FAM135B: variants seen among roughly 807,000 people sequenced by gnomAD.
FAM135B encodes family with sequence similarity 135 member B.
Under a neutral mutation model 127.7 loss-of-function variants are expected in FAM135B, and 43 were observed. The observed-to-expected ratio is 0.34, with a 90% CI of 0.26 to 0.43. The LOEUF is 0.43. FAM135B is among the 20% of genes least tolerant of loss of function. The pLI, the probability that FAM135B is intolerant of heterozygous loss-of-function variation, is 1.00. For missense variants in FAM135B, 1,558 were observed against 1,725.6 expected, an observed-to-expected ratio of 0.90 and a Z score of 1.72; for synonymous variants, 670 against 665.1, an observed-to-expected ratio of 1.01 and a Z score of -0.11.
chr8:138,204,079 C>G (rs959070556), intron 7 of FAM135B, among the ~76,000 whole-genome samples: 8 of 152,162 alleles, frequency 5.3e-5, no homozygotes, highest in Admixed American at 3.9e-4. Flanking sequence ...TCACTCACCT[C>G]CTACTATGCA....
chr8:138,140,414 A>G (rs1817031888), intron 17 of FAM135B, among the ~76,000 whole-genome samples: 1 of 152,214 alleles, frequency 6.6e-6, no homozygotes, highest in Non-Finnish European at 1.5e-5. Flanking sequence ...TTAATAAACG[A>G]TTTGTTATTA....
intron 15 of FAM135B, among the ~76,000 whole-genome samples, 185 bp downstream of exon 15, chr8:138,145,774 C>A (rs1422966861): frequency 6.6e-6 from 1 of 152,182 alleles, no homozygotes; most frequent in Non-Finnish European, 1.5e-5. Flanking sequence ...TCATTTCTTA[C>A]CGTTTCCTCT....
chr8:138,272,346 G>C (rs1234201366), intron 3 of FAM135B, among the ~76,000 whole-genome samples: 1 of 152,154 alleles, frequency 6.6e-6, no homozygotes, highest in Non-Finnish European at 1.5e-5. Flanking sequence ...CCCAATGTTT[G>C]TTATAGTTCT....
chr8:138,164,704 A>G (rs1819736063), intron 12 of FAM135B, among the ~76,000 whole-genome samples: 1 of 152,170 alleles, frequency 6.6e-6, no homozygotes. Context: ...ACACTGAACC[A>G]GAGTTCATCT....
At chr8:138,161,477 C>G (rs1156831366) in intron 12 of FAM135B, among the ~76,000 whole-genome samples, 1 of 152,062 alleles carries the variant, frequency 6.6e-6, no homozygotes, top group African/African-American at 2.4e-5. Flanking sequence ...ACATATTATT[C>G]AATTTACATA....
At chr8:138,165,739 C>A (rs1819853646) in intron 12 of FAM135B, among the ~76,000 whole-genome samples, 1 of 152,136 alleles carries the variant, frequency 6.6e-6, no homozygotes, top group East Asian at 1.9e-4. Context: ...CACATACATA[C>A]ATGCACACAC....
chr8:138,440,934 C>G (rs544381113), intron 1 of FAM135B: 1 of 152,166 alleles, frequency 6.6e-6, no homozygotes, highest in Admixed American at 6.5e-5. Flanking sequence ...TTGGAGTGTT[C>G]CTGCCACTAT....
At chr8:138,420,462 A>G (rs1230418569) in intron 1 of FAM135B, among the ~76,000 whole-genome samples, 1 of 152,024 alleles carries the variant, frequency 6.6e-6, no homozygotes, top group Admixed American at 6.6e-5. Flanking sequence ...AATATTTTCA[A>G]AACATCAAGG....
chr8:138,186,000 G>T (rs1227373044), intron 9 of FAM135B, among the ~76,000 whole-genome samples: 1 of 152,234 alleles, frequency 6.6e-6, no homozygotes, highest in African/African-American at 2.4e-5. Flanking sequence ...CGCTGCTTCA[G>T]TCTGGTGGGC....
intron 2 of FAM135B, among the ~76,000 whole-genome samples, chr8:138,321,060 T>C (rs988629937): frequency 6.6e-6 from 1 of 152,158 alleles, no homozygotes; most frequent in Admixed American, 6.5e-5. Flanking sequence ...CTCTGGAGTC[T>C]GAACACCCAG....
intron 1 of FAM135B, among the ~76,000 whole-genome samples, chr8:138,397,692 A>G (rs1223827313): frequency 6.6e-6 from 1 of 152,144 alleles, no homozygotes; most frequent in Non-Finnish European, 1.5e-5. Context: ...TGGGCTCCAC[A>G]TGTTGGCATA....
chr8:138,192,756 T>C (rs1418328366), intron 9 of FAM135B, among the ~76,000 whole-genome samples: 1 of 152,172 alleles, frequency 6.6e-6, no homozygotes, highest in Non-Finnish European at 1.5e-5. Flanking sequence ...GGGAGACTGA[T>C]TTGAGTAACA....
intron 1 of FAM135B, among the ~76,000 whole-genome samples, chr8:138,494,286 G>A (rs917752286): frequency 6.6e-6 from 1 of 152,214 alleles, no homozygotes; most frequent in Non-Finnish European, 1.5e-5. Flanking sequence ...TAGAAGTAAG[G>A]CTCATTCACT....
chr8:138,305,009 G>T (rs34464066), intron 3 of FAM135B, among the ~76,000 whole-genome samples: 4,627 of 152,312 alleles, frequency 0.03, 99 homozygotes, highest in East Asian at 0.12. Flanking sequence ...GGTACTTAGA[G>T]CCTGGGGGCT....
intron 6 of FAM135B, among the ~76,000 whole-genome samples, chr8:138,246,855 A>G (rs534054162): frequency 2.0e-5 from 3 of 152,344 alleles, no homozygotes; most frequent in African/African-American, 4.8e-5. Flanking sequence ...TGCAAAGTCA[A>G]GGGGCACAGC....
At chr8:138,249,877 GT>G (rs2130472123) in intron 6 of FAM135B, among the ~76,000 whole-genome samples, 1 of 152,304 alleles carries the variant, frequency 6.6e-6, no homozygotes. Context: ...CATGTGTAAT[GT>G]TTTGAAATTA....
intron 2 of FAM135B, among the ~76,000 whole-genome samples, chr8:138,346,084 A>G (rs1829391071): frequency 6.6e-6 from 1 of 152,342 alleles, no homozygotes; most frequent in Middle Eastern, 3.4e-3. Flanking sequence ...GAGAAATGCA[A>G]ATCAAAACCA....
chr8:138,281,613 G>A (rs1397573501), intron 3 of FAM135B, among the ~76,000 whole-genome samples: 4 of 151,952 alleles, frequency 2.6e-5, no homozygotes, highest in African/African-American at 7.3e-5. Context: ...TCCCTTGGCC[G>A]CCGTGAAATG....
At chr8:138,219,610 T>C (rs182530142) in intron 7 of FAM135B, among the ~76,000 whole-genome samples, 1 of 152,284 alleles carries the variant, frequency 6.6e-6, no homozygotes, top group East Asian at 1.9e-4. Flanking sequence ...GCCTTCCTAT[T>C]CCTCCACTAG....
Sources: allele counts gnomAD v4.1 joint callset (sites outside exome capture counted in the v4.1 genomes callset), GRCh38; gene constraint gnomAD v4.1.1; transcripts MANE v1.5; gene names NCBI Gene and HGNC (gene_info 2026-07-23, HGNC 2026-07-21).